SLAMF7: variants seen among roughly 807,000 people sequenced by gnomAD.
SLAMF7 encodes the protein SLAM family member 7, also known as 19A24 protein.
In SLAMF7, 26 loss-of-function variants were observed where a neutral mutation model predicts 34.1. The observed-to-expected ratio is 0.76, with a 90% CI of 0.56 to 1.06. The LOEUF is 1.06. Among genes scored for constraint, SLAMF7 ranks in the 50% least tolerant of loss-of-function variants. SLAMF7 has a pLI of 0.00. For missense variants in SLAMF7, 399 were observed against 402.5 expected (o/e 0.99, Z 0.07); for synonymous variants, 171 against 156.4 (o/e 1.09, Z -0.70).
At chr1:160,740,725 T>C (rs745661980) in intron 1 of SLAMF7, among the ~76,000 whole-genome samples, 11 of 152,228 alleles carry the variant, frequency 7.2e-5, no homozygotes, top group Non-Finnish European at 1.5e-4. Context: ...AAATGCAAAA[T>C]AATTATTAAA....
chr1:160,742,727 G>A (rs1663841865), intron 1 of SLAMF7, among the ~76,000 whole-genome samples: 1 of 152,232 alleles, frequency 6.6e-6, no homozygotes, highest in African/African-American at 2.4e-5. Flanking sequence ...GACCACTGAG[G>A]CAGAGGAACT....
Position 160,748,269 on chromosome 1 carries a change from A to C in SLAMF7, c.131A>C (p.Lys44Thr). 6.2e-7 allele frequency: 1 copy of C among 1,614,060 alleles called. No individual in the cohort carries two copies. The highest frequency in any genetic ancestry group is 8.5e-7 in the Non-Finnish European group (1 of 1,179,954). Residue 44 changes from lysine (K) to threonine (T), a missense_variant, in exon 2 of 7, where the codon AAA (lysine) becomes ACA (threonine). Coordinates refer to ENST00000368043, the MANE Select transcript of SLAMF7 (RefSeq NM_021181.5). ...GCCGTGACTTTCCCCCTGAAGTCCA[A>C]AGTAAAGCAAGTTGACTCTATTGTC... ...GGAVTFPLKS[K>T]VKQVDSIVWT...
chr1:160,740,956 G>A (rs1004988916), intron 1 of SLAMF7, among the ~76,000 whole-genome samples: 10 of 152,200 alleles, frequency 6.6e-5, no homozygotes, highest in South Asian at 2.1e-4. Flanking sequence ...ATAACAAGCC[G>A]TCTATCACTG....
chr1:160,752,044 T>A, intron 5 of SLAMF7, 142 bp from the exon 6 acceptor site: 1 of 623,770 alleles, frequency 1.6e-6, no homozygotes, highest in East Asian at 2.8e-5. Flanking sequence ...CTCCCTTCCC[T>A]GTTCCAGAAC....
intron 1 of SLAMF7, among the ~76,000 whole-genome samples, chr1:160,742,540 C>T (rs180966414): frequency 2.6e-5 from 4 of 152,296 alleles, no homozygotes; most frequent in East Asian, 1.9e-4. Flanking sequence ...CCTTGTCACC[C>T]GCATCCCACC....
chr1:160,751,852 C>CTATA (rs1664629197), intron 5 of SLAMF7: 1 of 62,122 alleles, frequency 1.6e-5, no homozygotes, highest in African/African-American at 7.5e-5. Flanking sequence ...CTCTCTCTCT[C>CTATA]TCTCTCTCTC....
intron 4 of SLAMF7, 49 bp downstream of exon 4, chr1:160,750,472 T>C: frequency 1.3e-6 from 2 of 1,592,462 alleles, no homozygotes; most frequent in Non-Finnish European, 8.6e-7. Flanking sequence ...GTTTTTCTCC[T>C]TCACTGATTC....
In SLAMF7 at chr1:160,748,444, C is replaced by A. The variant is rs149539426; in HGVS notation, c.306C>A (p.Ile102=). 69 of 1,614,096 alleles carry A rather than the reference C, an allele frequency of 4.3e-5. No homozygotes were observed. In the African/African-American group the frequency reaches 8.5e-4, roughly 20 times the overall value. The stretch of plus-strand genomic sequence containing the variant: ...AACTGAAGAAGAATGACTCAGGGAT[C>A]TACTATGTGGGGATATACAGCTCAT... ...LSKLKKNDSG[I]YYVGIYSSSL... The change falls in exon 2 of 7, where the codon ATC becomes ATA. Residue 102 remains isoleucine, a synonymous_variant. Transcript: ENST00000368043.
intron 1 of SLAMF7, among the ~76,000 whole-genome samples, chr1:160,740,511 G>A (rs1226551500): frequency 6.6e-6 from 1 of 152,168 alleles, no homozygotes; most frequent in Non-Finnish European, 1.5e-5. Context: ...GAGGCTGAAA[G>A]GAGACAGAGA....
chr1:160,750,176 CTG>C, intron 3 of SLAMF7, 83 bp downstream of exon 3: 1 of 1,578,050 alleles, frequency 6.3e-7, no homozygotes, highest in Non-Finnish European at 8.6e-7. Context: ...GGAACAGACA[CTG>C]TATGGAAACT....
chr1:160,739,505 T>G, intron 1 of SLAMF7, 149 bp downstream of exon 1: 1 of 670,330 alleles, frequency 1.5e-6, no homozygotes, highest in Non-Finnish European at 2.6e-6. Flanking sequence ...TGATCTCTGA[T>G]TCTCAGGTCA....
At chr1:160,750,180 A>T in intron 3 of SLAMF7, 87 bp downstream of exon 3, 1 of 1,577,244 alleles carries the variant, frequency 6.3e-7, no homozygotes, top group Non-Finnish European at 8.6e-7. Context: ...CAGACACTGT[A>T]TGGAAACTGG....
rs1261945819 is a variant in SLAMF7 at position 160,749,810 on chromosome 1, T to G, written c.377-11T>G. On this transcript the variant is annotated splice_polypyrimidine_tract_variant and intron_variant, in intron 2 of 6. Coordinates refer to ENST00000368043, the MANE Select transcript of SLAMF7 (RefSeq NM_021181.5). ...CAGAGTTTCCACCTCTGGTTTTCCTTCCTCTCACAGAGCACCTGTCAAAGC... is the reference window on the plus strand; with the variant it reads ...CAGAGTTTCCACCTCTGGTTTTCCTGCCTCTCACAGAGCACCTGTCAAAGC... 1 of 1,561,612 alleles carries G rather than the reference T, an allele frequency of 6.4e-7. No homozygotes were observed. Among genetic ancestry groups the G allele is most frequent in the East Asian group, 2.3e-5 (1 of 44,434 alleles).
chr1:160,753,322 G>A lies in SLAMF7; in HGVS notation c.*145G>A. ...CTTTTTTCCAGGATAAATTATCTCT[G>A]ATGCTTCTTTAGATTTAAGAGTTCA... On this transcript the variant is annotated 3_prime_UTR_variant, in exon 7 of 7. Coordinates refer to ENST00000368043, the MANE Select transcript of SLAMF7 (RefSeq NM_021181.5). 1.5e-6 allele frequency: 1 copy of A among 677,026 alleles called. No homozygotes were observed. Among genetic ancestry groups the A allele is most frequent in the Non-Finnish European group, 2.5e-6 (1 of 400,442 alleles). The allele number at this position is 677,026 out of a possible 1,614,324, so 41.9% of individuals were successfully genotyped here.
intron 1 of SLAMF7, chr1:160,739,658 G>A (rs1663573613): frequency 6.7e-6 from 2 of 299,004 alleles, no homozygotes; most frequent in South Asian, 1.4e-4. Context: ...AGTTAGATAA[G>A]GAATGTTAAA....
Position 160,753,413 on chromosome 1 carries a change from G to T in SLAMF7, c.*236G>T. 1 of 523,762 alleles carries T rather than the reference G, an allele frequency of 1.9e-6. No homozygotes were observed. Among genetic ancestry groups the T allele is most frequent in the Non-Finnish European group, 3.4e-6 (1 of 295,448 alleles). The allele number at this position is 523,762 out of a possible 1,614,324, so 32.4% of individuals were successfully genotyped here. ...GGTTTAATCACTTCATCCCAAAAAT[G>T]GGATTGTGAATGTCAGCAAACCATA... is the stretch of plus-strand genomic sequence containing the variant. On this transcript the variant is annotated 3_prime_UTR_variant, in exon 7 of 7. Coordinates refer to ENST00000368043, the MANE Select transcript of SLAMF7 (RefSeq NM_021181.5).
intron 1 of SLAMF7, 32 bp from the exon 2 acceptor site, chr1:160,748,162 C>A (rs773247513): frequency 6.3e-7 from 1 of 1,599,838 alleles, no homozygotes; most frequent in Non-Finnish European, 8.5e-7. Context: ...GACAGGGAAT[C>A]AGGCTTATTT....
Position 160,751,449 on chromosome 1 carries a change from G to A in SLAMF7, c.873+1G>A. On this transcript the variant is annotated splice_donor_variant, in intron 5 of 6. Coordinates refer to ENST00000368043, the MANE Select transcript of SLAMF7 (RefSeq NM_021181.5). LOFTEE classifies it high-confidence loss of function. ...GTACGACACAATCCCTCACACTAAT[G>A]TGAGTCCCTTCTCATCTTTCCTGAG... 6.2e-7 allele frequency: 1 copy of A among 1,608,468 alleles called. No individual in the cohort carries two copies. The highest frequency in any genetic ancestry group is 8.5e-7 in the Non-Finnish European group (1 of 1,174,876).
intron 2 of SLAMF7, 106 bp from the exon 3 acceptor site, chr1:160,749,715 A>G: frequency 1.0e-6 from 1 of 973,240 alleles, no homozygotes. Flanking sequence ...CTTTCTCTCC[A>G]GTCTGGAGCT....
Sources: gnomAD v4.1 joint callset for allele counts (sites outside exome capture counted in the v4.1 genomes callset) on GRCh38, gnomAD v4.1.1 for gene constraint, MANE v1.5 for transcripts, NCBI Gene and HGNC (gene_info 2026-07-23, HGNC 2026-07-21) for gene names.